The following ALOXE3 variants were observed in gnomAD, a reference collection of about 807,000 sequenced individuals.
ALOXE3 encodes the protein hydroperoxide isomerase ALOXE3.
In ALOXE3, 78 loss-of-function variants were observed where a neutral mutation model predicts 87.5. The ratio of observed to expected loss-of-function variants is 0.89; its 90% CI spans 0.74 to 1.08. The LOEUF (loss-of-function observed/expected upper bound fraction) is 1.08. Ranked by LOEUF, ALOXE3 falls within the 50% of genes least tolerant of loss-of-function variation. ALOXE3 has a pLI of 0.00. For missense variants in ALOXE3, 946 were observed against 912.4 expected, an observed-to-expected ratio of 1.04 and a Z score of -0.47; for synonymous variants, 363 against 370.8, an observed-to-expected ratio of 0.98 and a Z score of 0.24.
chr17:8,110,592 C>T (rs1979991676), intron 8 of ALOXE3, 64 bp from the exon 9 acceptor site: 10 of 1,609,178 alleles, frequency 6.2e-6, no homozygotes, highest in Non-Finnish European at 7.6e-6. Flanking sequence ...CTCCCATTTC[C>T]CTGCCCACTT....
chr17:8,099,224 A>G (rs539242428), intron 15 of ALOXE3, among the ~76,000 whole-genome samples: 1 of 152,134 alleles, frequency 6.6e-6, no homozygotes, highest in South Asian at 2.1e-4. Flanking sequence ...GCAACCATAC[A>G]TCAACTCTGA....
At chr17:8,118,907 G>A, upstream of ALOXE3, 1 of 1,466,260 alleles carries the variant, frequency 6.8e-7, no homozygotes, top group Non-Finnish European at 9.0e-7. Context: ...GGCCCCGCGC[G>A]GCCGGTTCCG....
At chr17:8,106,274 G>A (rs779156407) in intron 13 of ALOXE3, among the ~76,000 whole-genome samples, 25 of 152,140 alleles carry the variant, frequency 1.6e-4, no homozygotes, top group African/African-American at 5.8e-4. Context: ...CTGACTGGAC[G>A]GAGGCTGATG....
At chr17:8,118,407 G>A in intron 1 of ALOXE3, 79 bp downstream of exon 1, 3 of 1,551,044 alleles carry the variant, frequency 1.9e-6, no homozygotes, top group African/African-American at 1.4e-5. Flanking sequence ...TGATGCCCTG[G>A]AGTGCTTGTC....
At chr17:8,104,750 T>G (rs900372026) in intron 13 of ALOXE3, among the ~76,000 whole-genome samples, 1 of 152,138 alleles carries the variant, frequency 6.6e-6, no homozygotes, top group African/African-American at 2.4e-5. Flanking sequence ...GAGTGGTTAG[T>G]GGAGGCCTCC....
Position 8,110,194 on chromosome 17 carries a change from C to A in ALOXE3, c.1203G>T (p.Leu401=), listed in dbSNP as rs1567999545. ...GAAAGTGCGTGTTGTTTTCGTGCAC[C>A]AGGAACTCAGAGTTGCGCACCCACG... is the stretch of plus-strand genomic sequence containing the variant. The part of the protein sequence containing the change: ...AKTWVRNSEF[L]VHENNTHFLC... The change falls in exon 10 of 16, where the codon CTG becomes CTT. Residue 401 remains leucine, a synonymous_variant. Transcript: ENST00000448843. 2.5e-6 allele frequency: 4 copies of A among 1,614,108 alleles called. No individual in the cohort carries two copies. In the East Asian group the frequency reaches 8.9e-5, roughly 36 times the overall value.
intron 15 of ALOXE3, among the ~76,000 whole-genome samples, chr17:8,098,865 T>G (rs971698970): frequency 6.6e-6 from 1 of 152,024 alleles, no homozygotes; most frequent in African/African-American, 2.4e-5. Flanking sequence ...TTTCTTTTTT[T>G]GTTTAAACAG....
intron 1 of ALOXE3, 57 bp downstream of exon 1, chr17:8,118,429 C>T (rs1980811047): frequency 6.4e-7 from 1 of 1,550,746 alleles, no homozygotes; most frequent in Non-Finnish European, 8.7e-7. Context: ...GCCCACTCCC[C>T]AATGTCCCCC....
rs535216671 is a variant in ALOXE3 at position 8,110,507 on chromosome 17, C to A, written c.979G>T (p.Asp327Tyr). 4 of 1,613,958 alleles carry A rather than the reference C, an allele frequency of 2.5e-6. No individual in the cohort carries two copies. The African/African-American group carries it at 4.0e-5, about 16-fold the overall frequency. Residue 327 changes from aspartate to tyrosine, a missense_variant, in exon 9 of 16, where the codon GAC becomes TAC. Transcript: ENST00000448843. ...ELERGNIFLA[D>Y]YWILAEAPTH... is the part of the protein sequence containing the mutation. ...GGGGCCTCCGCCAGGATCCAGTAGT[C>A]CGCTAGGAAGATGTTCCCCCTCTGC... is the stretch of plus-strand genomic sequence containing the variant.
intron 14 of ALOXE3, 35 bp from the exon 15 acceptor site, chr17:8,103,528 C>T (rs757701086): frequency 1.9e-6 from 3 of 1,610,634 alleles, no homozygotes; most frequent in Non-Finnish European, 2.5e-6. Context: ...GGTCAGTTGG[C>T]CAGAAGGGGA....
At position 8,112,123 on chromosome 17, in the gene ALOXE3, T is replaced by C; in HGVS notation, c.754A>G (p.Ile252Val). ...SWKKLDDMQN[I>V]FWCHKTFTTK... ...GTGAAGGTCTTATGGCACCAGAAGATGTTCTGCATGTCATCCAGCTTCTTC... is the reference window on the plus strand; with the variant it reads ...GTGAAGGTCTTATGGCACCAGAAGACGTTCTGCATGTCATCCAGCTTCTTC... The change falls in exon 7 of 16, where the codon ATC becomes GTC. Residue 252 changes from isoleucine to valine, a missense_variant. Transcript: ENST00000448843. 1 of 1,614,140 alleles carries C rather than the reference T, an allele frequency of 6.2e-7. No homozygotes were observed. The highest frequency in any genetic ancestry group is 1.7e-5 in the Admixed American group (1 of 60,024).
At chr17:8,097,747 CTTTTT>C (rs60450170) in intron 15 of ALOXE3, among the ~76,000 whole-genome samples, 2 of 129,448 alleles carry the variant, frequency 1.5e-5, no homozygotes, top group Admixed American at 8.0e-5. Context: ...TACTACTGAT[CTTTTT>C]TTTTTTTTTT....
At chr17:8,111,213 T>A in intron 8 of ALOXE3, 146 bp downstream of exon 8, 1 of 1,008,564 alleles carries the variant, frequency 9.9e-7, no homozygotes, top group South Asian at 1.4e-5. Context: ...ACTTAAAGTG[T>A]GCAGGACCAT....
rs1220054103 is a variant in ALOXE3 at position 8,115,057 on chromosome 17, G to A, written c.435C>T (p.Arg145=). 1.2e-6 allele frequency: 2 copies of A among 1,614,066 alleles called. No individual in the cohort carries two copies. Among genetic ancestry groups the A allele is most frequent in the East Asian group, 2.2e-5 (1 of 44,898 alleles). Residue 145 remains arginine (R), a splice_region_variant and synonymous_variant, in exon 5 of 16, where the codon CGC becomes CGT. Transcript: ENST00000448843. ...RELRARQECY[R]WKIYAPGFPC... is the part of the protein sequence containing the mutation. Reference sequence around the variant, plus strand: ...GGAAGCCAGGGGCATAGATCTTCCAGCTTCCGAGGGAAAGAGGTCAGAGGT... The same window carrying A: ...GGAAGCCAGGGGCATAGATCTTCCAACTTCCGAGGGAAAGAGGTCAGAGGT...
intron 12 of ALOXE3, among the ~76,000 whole-genome samples, chr17:8,108,934 T>A (rs1374825482): frequency 6.6e-6 from 1 of 152,046 alleles, no homozygotes; most frequent in Non-Finnish European, 1.5e-5. Flanking sequence ...CCAGCCCTGA[T>A]ACTCTGACTC....
intron 13 of ALOXE3, among the ~76,000 whole-genome samples, chr17:8,107,965 G>GGA (rs1313666196): frequency 0.068 from 425 of 6,288 alleles, 166 homozygotes; most frequent in East Asian, 0.18. Flanking sequence ...AAGAAAGGAA[G>GGA]GAGAGAGAGA....
chr17:8,103,403 G>A lies in ALOXE3; in HGVS notation c.1876C>T (p.Leu626=). The A allele has an allele frequency of 6.2e-7, 1 of 1,614,138 alleles. No homozygotes were observed. Among genetic ancestry groups the A allele is most frequent in the Non-Finnish European group, 8.5e-7 (1 of 1,180,016 alleles). The change falls in exon 15 of 16, where the codon CTA becomes TTA. Residue 626 remains leucine (L), a synonymous_variant. Transcript: ENST00000448843. ...ATGTTCACTTCAGGGAGGGTGTCTA[G>A]GTAAGTCTTCAGGGTGGTGGTCCCC... ...TKGTTTLKTY[L]DTLPEVNISC...
rs894505 is a variant in ALOXE3, at chr17:8,112,261, G to C, written c.681-65C>G. 591,576 of 1,217,024 alleles carry C rather than the reference G, an allele frequency of 0.49. 149,210 individuals carry two copies. Among genetic ancestry groups the C allele is most frequent in the African/African-American group, 0.73 (48,799 of 67,052 alleles). The allele number at this position is 1,217,024 out of a possible 1,614,324, so 75.4% of individuals were successfully genotyped here. On this transcript the variant is annotated intron_variant, in intron 6 of 15. Transcript: ENST00000448843. ...TAGAGTCTGCTGGGAATCACTGTGT[G>C]CCCCTCTGCCTGGAGGAACTGACGG...
chr17:8,098,055 T>C (rs1978663295), intron 15 of ALOXE3, among the ~76,000 whole-genome samples: 2 of 151,990 alleles, frequency 1.3e-5, no homozygotes, highest in South Asian at 4.2e-4. Context: ...CCAATACTAC[T>C]GATCTTTAAC....
Sources: allele counts gnomAD v4.1 joint callset (sites outside exome capture counted in the v4.1 genomes callset), GRCh38; gene constraint gnomAD v4.1.1; transcripts MANE v1.5; gene names NCBI Gene and HGNC (gene_info 2026-07-23, HGNC 2026-07-21).